COL5A1: variants seen among roughly 807,000 people sequenced by gnomAD.
COL5A1 encodes the protein collagen type V alpha 1 chain, also known as collagen alpha-1(V) chain.
Under a neutral mutation model 263.7 loss-of-function variants are expected in COL5A1, and 16 were observed. The observed-to-expected ratio is 0.06, with a 90% CI of 0.04 to 0.09. COL5A1 has a LOEUF of 0.09. COL5A1 is among the 10% of genes least tolerant of loss of function. The pLI is 1.00. For missense variants in COL5A1, 2,036 were observed against 2,540.5 expected (o/e 0.80, Z 4.27); for synonymous variants, 1,012 against 1,004.5 (o/e 1.01, Z -0.14).
chr9:134,766,932 C>T, intron 22 of COL5A1, 68 bp from the exon 23 acceptor site: 2 of 1,459,198 alleles, frequency 1.4e-6, no homozygotes, highest in Non-Finnish European at 1.9e-6. Context: ...TGAGGGGGCA[C>T]ACGACACCCA....
At position 134,642,002 on chromosome 9, in the gene COL5A1, G is replaced by A. The variant is rs1325453042; in HGVS notation, c.-186G>A. 2.6e-5 allele frequency: 13 copies of A among 491,708 alleles called. No individual in the cohort carries two copies. Among genetic ancestry groups the A allele is most frequent in the Non-Finnish European group, 4.2e-5 (13 of 312,546 alleles). 30.5% of individuals were successfully genotyped at this position (491,708 alleles called of 1,614,324 possible). ...GTCGAGCCCTCCCGCCCGTGGGCGA[G>A]CGCGCCAGCCGCCCCTTCCAGAACA... On this transcript the variant is annotated 5_prime_UTR_variant, in exon 1 of 66. Transcript: ENST00000371817. The surrounding 1 kb of genome is among the most constrained non-coding windows in gnomAD (Gnocchi z 4.5).
chr9:134,726,282 G>A (rs1293917114), intron 4 of COL5A1, among the ~76,000 whole-genome samples: 1 of 152,158 alleles, frequency 6.6e-6, no homozygotes, highest in African/African-American at 2.4e-5. Context: ...GTGGGTAGAT[G>A]GGTGGATAGA....
rs1284692703 is a variant in COL5A1 at position 134,795,324 on chromosome 9, TTGGCCTCCTG to T, written c.2799+10_2799+19del. On this transcript the variant is annotated intron_variant, in intron 34 of 65. Coordinates refer to ENST00000371817, the MANE Select transcript of COL5A1 (RefSeq NM_000093.5). Reference sequence around the variant, plus strand: ...GGAAGCCTGGCCCCAAGGTATGTTTTTGGCCTCCTGGGCGGTGGGCGGCGTGAACCCAAGT... The same window carrying T: ...GGAAGCCTGGCCCCAAGGTATGTTTTGGCGGTGGGCGGCGTGAACCCAAGT... 6 of 1,613,554 alleles carry T rather than the reference TTGGCCTCCTG, an allele frequency of 3.7e-6. No individual in the cohort carries two copies. In the East Asian group the frequency reaches 1.3e-4, roughly 36 times the overall value.
chr9:134,808,715 T>C (rs1838397296), intron 42 of COL5A1, among the ~76,000 whole-genome samples: 1 of 152,236 alleles, frequency 6.6e-6, no homozygotes, highest in Non-Finnish European at 1.5e-5. Context: ...TGTCTTCATG[T>C]GTGAGCATGC....
chr9:134,831,108 A>G (rs1174991291), intron 64 of COL5A1, among the ~76,000 whole-genome samples: 1 of 152,128 alleles, frequency 6.6e-6, no homozygotes, highest in African/African-American at 2.4e-5. Context: ...TGCGGCTTGT[A>G]GCCTGACCAC....
At chr9:134,762,095 C>T (rs1425985516) in intron 19 of COL5A1, 117 bp downstream of exon 19, 1 of 1,033,138 alleles carries the variant, frequency 9.7e-7, no homozygotes, top group South Asian at 1.3e-5. Context: ...ATGTGGAGGG[C>T]CAGCTGGGAG....
At chr9:134,752,550 C>G in intron 13 of COL5A1, 39 bp from the exon 14 acceptor site, 1 of 1,559,986 alleles carries the variant, frequency 6.4e-7, no homozygotes, top group Non-Finnish European at 8.8e-7. Context: ...AGCACTGCTG[C>G]TGGGGCCCTG....
At chr9:134,710,920 CCGTCTGTTGGGTG>C (rs1834018748) in intron 4 of COL5A1, among the ~76,000 whole-genome samples, 2 of 127,360 alleles carry the variant, frequency 1.6e-5, no homozygotes, top group Non-Finnish European at 3.3e-5. Context: ...GGGAGGGGCC[CCGTCTGTTGGGTG>C]CAGTGGTGGG....
At position 134,642,738 on chromosome 9, in the gene COL5A1, G is replaced by T. The variant is rs1470694447; in HGVS notation, c.109+442G>T. 1.3e-5 allele frequency among the ~76,000 whole-genome samples: 2 copies of T among 152,214 alleles called. No individual in the cohort carries two copies. Among genetic ancestry groups the T allele is most frequent in the Non-Finnish European group, 2.9e-5 (2 of 68,030 alleles). ...CAGCCCTTCAAATCCCGGGACTCCTGGGGATGGGGGGAATCCCAGAAGCCT... is the reference window on the plus strand; with the variant it reads ...CAGCCCTTCAAATCCCGGGACTCCTTGGGATGGGGGGAATCCCAGAAGCCT... On this transcript the variant is annotated intron_variant, in intron 1 of 65. Coordinates refer to ENST00000371817, the MANE Select transcript of COL5A1 (RefSeq NM_000093.5). This position sits in a 1 kb window ranked among gnomAD's most constrained non-coding sequence, Gnocchi z 4.5.
At chr9:134,651,035 C>T (rs1360923919) in intron 1 of COL5A1, among the ~76,000 whole-genome samples, 1 of 152,214 alleles carries the variant, frequency 6.6e-6, no homozygotes, top group South Asian at 2.1e-4. Flanking sequence ...CAGGTGAGGG[C>T]GGCGTGGCTC....
rs1473415215 is a variant in COL5A1 at position 134,760,611 on chromosome 9, A to G, written c.1936-1314A>G. 1.2e-4 allele frequency among the ~76,000 whole-genome samples: 13 copies of G among 110,978 alleles called. No homozygotes were observed. The South Asian group carries it at 1.3e-3, about 11-fold the overall frequency. The allele number at this position is 110,978 out of a possible 152,430, so 72.8% of individuals were successfully genotyped here. On this transcript the variant is annotated intron_variant, in intron 18 of 65. Transcript: ENST00000371817. Reference sequence around the variant, plus strand: ...ACACATGCACACACACCACACATGCACACACACACACCCACACACCCCCAC... The same window carrying G: ...ACACATGCACACACACCACACATGCGCACACACACACCCACACACCCCCAC...
chr9:134,716,121 A>G lies in COL5A1; in HGVS notation c.655-11145A>G, dbSNP rs1834253573. Among the ~76,000 whole-genome samples, 1 of 152,026 alleles carries G rather than the reference A, an allele frequency of 6.6e-6. No homozygotes were observed. The highest frequency in any genetic ancestry group is 2.1e-4 in the South Asian group (1 of 4,814). ...GTTTTGGTGCTGGTGGTGGCTGTGG[A>G]GGCTGTGCTAGTGGATGCTGATTGC... On this transcript the variant is annotated intron_variant, in intron 4 of 65. Coordinates refer to ENST00000371817, the MANE Select transcript of COL5A1 (RefSeq NM_000093.5). The surrounding 1 kb of genome is among the most constrained non-coding windows in gnomAD (Gnocchi z 4.5).
chr9:134,822,268 G>A, intron 59 of COL5A1, 118 bp downstream of exon 59: 1 of 850,900 alleles, frequency 1.2e-6, no homozygotes, highest in South Asian at 1.5e-5. Context: ...AGCTGGAATT[G>A]GGGCCTCCAG....
intron 2 of COL5A1, among the ~76,000 whole-genome samples, chr9:134,693,017 G>A (rs1833338388): frequency 6.6e-6 from 1 of 152,138 alleles, no homozygotes; most frequent in Admixed American, 6.5e-5. Flanking sequence ...AGGTTGCAGT[G>A]AGCTGAGATC....
At chr9:134,830,738 C>T (rs577376075) in intron 64 of COL5A1, among the ~76,000 whole-genome samples, 1 of 152,330 alleles carries the variant, frequency 6.6e-6, no homozygotes, top group East Asian at 1.9e-4. Context: ...CAGAATCCAT[C>T]CCTGAAAGGA....
At chr9:134,839,050 G>A (rs1448058466) in intron 65 of COL5A1, among the ~76,000 whole-genome samples, 2 of 152,236 alleles carry the variant, frequency 1.3e-5, no homozygotes, top group East Asian at 3.9e-4. Context: ...CCGAACTCGG[G>A]CCAGCGGCAA....
intron 25 of COL5A1, among the ~76,000 whole-genome samples, chr9:134,771,859 G>C (rs1417834202): frequency 6.6e-6 from 1 of 152,214 alleles, no homozygotes; most frequent in African/African-American, 2.4e-5. Flanking sequence ...ATCCTCGTTG[G>C]TGGAACTGCA....
chr9:134,820,249 G>A, intron 58 of COL5A1, 26 bp downstream of exon 58: 1 of 1,580,266 alleles, frequency 6.3e-7, no homozygotes, highest in Non-Finnish European at 8.7e-7. Flanking sequence ...CTTCTTGCAT[G>A]TGGGCTGTCG....
intron 42 of COL5A1, among the ~76,000 whole-genome samples, chr9:134,807,178 C>T (rs1352878490): frequency 2.0e-5 from 3 of 152,256 alleles, no homozygotes; most frequent in African/African-American, 7.2e-5. Context: ...ATCTCAACTT[C>T]TCCTTCCCAG....
Sources: allele counts gnomAD v4.1 joint callset (sites outside exome capture counted in the v4.1 genomes callset), GRCh38; gene constraint gnomAD v4.1.1; non-coding constraint Gnocchi (gnomAD v3.1); transcripts MANE v1.5; gene names NCBI Gene and HGNC (gene_info 2026-07-23, HGNC 2026-07-21).